UNC5C: variants seen among roughly 807,000 people sequenced by gnomAD.
The protein encoded by UNC5C is unc-5 netrin receptor C, also known as netrin receptor UNC5C.
A neutral mutation model predicts 99.8 loss-of-function variants in UNC5C; 47 were observed. That is an observed-to-expected ratio of 0.47 (90% CI 0.37 to 0.60). The LOEUF (loss-of-function observed/expected upper bound fraction) is 0.60, where lower values mean the gene tolerates loss of function less well. Ranked by LOEUF, UNC5C falls within the 20% of genes least tolerant of loss-of-function variation. The pLI, the probability that UNC5C is intolerant of heterozygous loss-of-function variation, is 0.00. For synonymous variants in UNC5C, 487 were observed against 452.2 expected (o/e 1.08, Z -0.98); for missense variants, 1,062 against 1,165.9 (o/e 0.91, Z 1.30).
chr4:95,241,539 G>C (rs1739330508), intron 7 of UNC5C, among the ~76,000 whole-genome samples: 2 of 152,192 alleles, frequency 1.3e-5, no homozygotes, highest in Admixed American at 6.5e-5. Context: ...TATTCTGCTA[G>C]CAATGTGTAA....
At position 95,165,747 on chromosome 4, in the gene UNC5C, C is replaced by A. The variant is rs1484072044; in HGVS notation, c.*3487G>T. ...TTTCTTTCTAAGCAGATACTTCTTA[C>A]ATTTCCAAAGATAAATATTAAGGAA... On this transcript the variant is annotated 3_prime_UTR_variant, in exon 16 of 16. Coordinates refer to ENST00000453304, the MANE Select transcript of UNC5C (RefSeq NM_003728.4). 1.3e-5 allele frequency: 2 copies of A among 152,162 alleles called. No individual in the cohort carries two copies. Among genetic ancestry groups the A allele is most frequent in the East Asian group, 3.8e-4 (2 of 5,198 alleles). 9.4% of individuals were successfully genotyped at this position (152,162 alleles called of 1,614,324 possible).
intron 1 of UNC5C, among the ~76,000 whole-genome samples, chr4:95,453,659 G>C (rs1195247992): frequency 6.6e-6 from 1 of 151,876 alleles, no homozygotes; most frequent in East Asian, 1.9e-4. Flanking sequence ...TAAAGGCATT[G>C]TGCTAAGCAT....
At chr4:95,216,548 T>A (rs908117990) in intron 9 of UNC5C, among the ~76,000 whole-genome samples, 1 of 152,104 alleles carries the variant, frequency 6.6e-6, no homozygotes, top group African/African-American at 2.4e-5. Flanking sequence ...CATTTCCATT[T>A]TTTTTTAAAA....
In UNC5C at chr4:95,479,108, C is replaced by T. The variant is rs560986293; in HGVS notation, c.124+69626G>A. On this transcript the variant is annotated intron_variant, in intron 1 of 15. Coordinates refer to ENST00000453304, the MANE Select transcript of UNC5C (RefSeq NM_003728.4). ...CTTATAAATTACCCAGCCTCAGGTA[C>T]TCCTTTATGGAAAAACAAAGCAGAC... Among the ~76,000 whole-genome samples, 3 of 152,118 alleles carry T rather than the reference C, an allele frequency of 2.0e-5. No homozygotes were observed. The East Asian group carries it at 5.8e-4, about 30-fold the overall frequency.
At chr4:95,180,589 A>G (rs983455009) in intron 14 of UNC5C, among the ~76,000 whole-genome samples, 1 of 152,238 alleles carries the variant, frequency 6.6e-6, no homozygotes, top group South Asian at 2.1e-4. Context: ...TCACCCAGAG[A>G]CAACTGGCTG....
At chr4:95,450,347 G>A (rs1747247042) in intron 1 of UNC5C, among the ~76,000 whole-genome samples, 1 of 152,318 alleles carries the variant, frequency 6.6e-6, no homozygotes, top group Admixed American at 6.5e-5. Context: ...AGCCTCCTGA[G>A]TAGCTGGGAC....
At chr4:95,475,524 AAGAC>A (rs1214936584) in intron 1 of UNC5C, among the ~76,000 whole-genome samples, 1 of 152,078 alleles carries the variant, frequency 6.6e-6, no homozygotes, top group East Asian at 1.9e-4. Context: ...TCAGGAGAGA[AAGAC>A]AGACAGATAG....
At chr4:95,286,412 C>T (rs924423652) in intron 3 of UNC5C, among the ~76,000 whole-genome samples, 3 of 152,128 alleles carry the variant, frequency 2.0e-5, no homozygotes, top group Admixed American at 1.3e-4. Flanking sequence ...TGAATTGATT[C>T]GTTGATTATG....
chr4:95,201,896 A>AGTG, intron 12 of UNC5C, among the ~76,000 whole-genome samples: 1 of 151,680 alleles, frequency 6.6e-6, no homozygotes, highest in African/African-American at 2.4e-5. Context: ...GAGCCACCAC[A>AGTG]CCCGGCCGAG....
At position 95,165,852 on chromosome 4, in the gene UNC5C, T is replaced by A. The variant is rs1266387874; in HGVS notation, c.*3382A>T. The A allele has an allele frequency of 2.0e-5, 3 of 152,222 alleles. No homozygotes were observed. The highest frequency in any genetic ancestry group is 2.0e-4 in the Admixed American group (3 of 15,286). The allele number at this position is 152,222 out of a possible 1,614,324, so 9.4% of individuals were successfully genotyped here. A position where few individuals can be genotyped will look rare whatever the true frequency, so the allele number is the denominator to read the frequency against. On this transcript the variant is annotated 3_prime_UTR_variant, in exon 16 of 16. Transcript: ENST00000453304. The stretch of plus-strand genomic sequence containing the variant: ...TGACAACTCTTCAAAGACTGTTTTA[T>A]ATAGATTTTACATAGTTCTGTTACA...
chr4:95,355,161 T>C (rs1021947330), intron 1 of UNC5C, among the ~76,000 whole-genome samples: 2 of 152,302 alleles, frequency 1.3e-5, no homozygotes, highest in Middle Eastern at 6.8e-3. Flanking sequence ...ATGTGACTTC[T>C]GACATTTCAC....
chr4:95,407,903 T>C (rs1280831194), intron 1 of UNC5C, among the ~76,000 whole-genome samples: 1 of 152,176 alleles, frequency 6.6e-6, no homozygotes, highest in Non-Finnish European at 1.5e-5. Context: ...GCTAAAAATG[T>C]TAAGAATAAT....
chr4:95,440,718 T>G (rs898126563), intron 1 of UNC5C, among the ~76,000 whole-genome samples: 3 of 152,112 alleles, frequency 2.0e-5, no homozygotes, highest in Non-Finnish European at 4.4e-5. Flanking sequence ...GAGGGAAGAT[T>G]CCTGGAGTGC....
chr4:95,425,892 A>C (rs1746470154), intron 1 of UNC5C, among the ~76,000 whole-genome samples: 1 of 152,142 alleles, frequency 6.6e-6, no homozygotes, highest in Non-Finnish European at 1.5e-5. Flanking sequence ...TCATGTTTTA[A>C]ATTTTTATTA....
chr4:95,290,271 C>T (rs1287540839), intron 3 of UNC5C, among the ~76,000 whole-genome samples: 1 of 151,662 alleles, frequency 6.6e-6, no homozygotes, highest in Admixed American at 6.6e-5. Flanking sequence ...CATGCCACTG[C>T]AGTCCAGTTT....
At chr4:95,350,480 C>T (rs945654557) in intron 1 of UNC5C, among the ~76,000 whole-genome samples, 13 of 66,550 alleles carry the variant, frequency 2.0e-4, no homozygotes, top group African/African-American at 3.7e-4. Flanking sequence ...AGCAAGACTC[C>T]GTCTCAAAAA....
chr4:95,181,361 C>A (rs547195011), intron 14 of UNC5C, among the ~76,000 whole-genome samples: 1 of 152,174 alleles, frequency 6.6e-6, no homozygotes, highest in Admixed American at 6.5e-5. Context: ...GCAGCCCTGG[C>A]GCGGGAGAGC....
At chr4:95,350,573 T>A (rs1449827551) in intron 1 of UNC5C, among the ~76,000 whole-genome samples, 2 of 152,014 alleles carry the variant, frequency 1.3e-5, no homozygotes, top group African/African-American at 4.8e-5. Flanking sequence ...CTCAGGAATT[T>A]GAAGAACAAA....
In UNC5C at chr4:95,190,155, C is replaced by T. The variant is rs541147821; in HGVS notation, c.2137-4959G>A. ...GCACATATACACACGAAATACTATG[C>T]AGCCATAAAAAATGATGAGTTCATG... On this transcript the variant is annotated intron_variant, in intron 12 of 15. Transcript: ENST00000453304. 2.0e-5 allele frequency among the ~76,000 whole-genome samples: 3 copies of T among 152,228 alleles called. No individual in the cohort carries two copies. In the East Asian group the frequency reaches 5.8e-4, roughly 29 times the overall value.
Sources: gnomAD v4.1 joint callset for allele counts (sites outside exome capture counted in the v4.1 genomes callset) on GRCh38, gnomAD v4.1.1 for gene constraint, MANE v1.5 for transcripts, NCBI Gene and HGNC (gene_info 2026-07-23, HGNC 2026-07-21) for gene names.